Variants in ABCA9 observed in about 807,000 individuals in gnomAD.
The protein encoded by ABCA9 is ATP binding cassette subfamily A member 9.
Under a neutral mutation model 205.3 loss-of-function variants are expected in ABCA9, and 183 were observed. The ratio of observed to expected loss-of-function variants is 0.89; its 90% confidence interval spans 0.79 to 1.01. The LOEUF (loss-of-function observed/expected upper bound fraction) is 1.01, where lower values mean the gene tolerates loss of function less well. Ranked by LOEUF, ABCA9 falls within the 50% of genes least tolerant of loss-of-function variation. ABCA9 has a pLI of 0.00. For missense variants in ABCA9, 1,805 were observed against 1,912.4 expected (o/e 0.94, Z 1.05); for synonymous variants, 651 against 683.3 (o/e 0.95, Z 0.74).
At chr17:69,063,603 GTGTT>G (rs1400126466), upstream of ABCA9, among the ~76,000 whole-genome samples, 5 of 151,994 alleles carry the variant, frequency 3.3e-5, no homozygotes, top group East Asian at 3.9e-4. Flanking sequence ...GTTTTGTTTT[GTGTT>G]TGTTTTTTTT....
chr17:68,984,494 G>A (rs984585504), intron 34 of ABCA9, among the ~76,000 whole-genome samples: 6 of 152,100 alleles, frequency 3.9e-5, no homozygotes, highest in Non-Finnish European at 8.8e-5. Context: ...ACTCCCTATA[G>A]GTACAAGATG....
chr17:69,072,251 C>T, the ABCA9 span, among the ~76,000 whole-genome samples: 1 of 152,088 alleles, frequency 6.6e-6, no homozygotes, highest in Non-Finnish European at 1.5e-5. Context: ...GAGAACACCA[C>T]AAAGATACTC....
At chr17:69,068,069 A>G in the ABCA9 span, among the ~76,000 whole-genome samples, 1 of 152,198 alleles carries the variant, frequency 6.6e-6, no homozygotes, top group Non-Finnish European at 1.5e-5. Flanking sequence ...AAATTAATAT[A>G]TGTTAGATTT....
At chr17:69,018,679 A>C (rs1290332640) in intron 19 of ABCA9, 100 bp from the exon 20 acceptor site, 29 of 894,570 alleles carry the variant, frequency 3.2e-5, no homozygotes, top group Non-Finnish European at 4.5e-5. Flanking sequence ...AATAAATTAT[A>C]ATCAATAACC....
intron 22 of ABCA9, chr17:69,012,468 G>C (rs946478717): frequency 3.2e-5 from 5 of 158,676 alleles, no homozygotes; most frequent in African/African-American, 1.2e-4. Context: ...GTCAGTGGAG[G>C]GGCTAGGAGA....
chr17:69,048,754 TAAAG>T (rs1167573627), intron 3 of ABCA9, among the ~76,000 whole-genome samples: 1 of 152,226 alleles, frequency 6.6e-6, no homozygotes, highest in African/African-American at 2.4e-5. Context: ...TATGAACTCT[TAAAG>T]AAGTTTCTTC....
rs1030808023 is a variant in ABCA9 at position 69,008,160 on chromosome 17, C to T, written c.3223G>A (p.Val1075Ile). 2 of 1,613,736 alleles carry T rather than the reference C, an allele frequency of 1.2e-6. No homozygotes were observed. The highest frequency in any genetic ancestry group is 2.7e-5 in the African/African-American group (2 of 75,016). The change falls in exon 24 of 39, where the codon GTT becomes ATT. Residue 1075 changes from valine (V) to isoleucine (I), a missense_variant. Physicochemically the swap from Val to Ile is conservative, Grantham distance 29 (BLOSUM62 3). Coordinates refer to ENST00000340001, the MANE Select transcript of ABCA9 (RefSeq NM_080283.4). ...AYWFGQALVDVSLYFLILLLM... is the reference protein window; with the variant it reads ...AYWFGQALVDISLYFLILLLM... ...AGGAGGATCAAAAAGTACAGGGAAA[C>T]ATCCACCAGTGCTTGGCCAAACCAG...
At chr17:69,054,413 G>C (rs999998028) in intron 1 of ABCA9, among the ~76,000 whole-genome samples, 1 of 151,696 alleles carries the variant, frequency 6.6e-6, no homozygotes, top group African/African-American at 2.4e-5. Flanking sequence ...TGAGGCCCCA[G>C]CTACTAAGGA....
At chr17:69,036,723 G>T (rs1244508605) in intron 6 of ABCA9, among the ~76,000 whole-genome samples, 1 of 151,582 alleles carries the variant, frequency 6.6e-6, no homozygotes. Context: ...CCAATTAAAA[G>T]ACACAGATGC....
rs2069239555 is a variant in ABCA9, at chr17:68,986,330, CA to C, written c.4048-7del. ...CCGCTCCCTTTCAAAATCACCTATG[CA>C]AAATAAGTTCATTCTTAGATTCTAT... On this transcript the variant is annotated splice_polypyrimidine_tract_variant and splice_region_variant and intron_variant, in intron 31 of 38. Coordinates refer to ENST00000340001, the MANE Select transcript of ABCA9 (RefSeq NM_080283.4). The C allele has an allele frequency of 1.2e-6, 2 of 1,601,562 alleles. No homozygotes were observed. The highest frequency in any genetic ancestry group is 2.7e-5 in the African/African-American group (2 of 74,464).
chr17:69,070,060 C>T, the ABCA9 span, among the ~76,000 whole-genome samples: 2 of 152,008 alleles, frequency 1.3e-5, no homozygotes, highest in Non-Finnish European at 2.9e-5. Context: ...ATAAATTCAA[C>T]TATCATTGTA....
At chr17:69,043,231 T>C in intron 6 of ABCA9, 1 of 363,972 alleles carries the variant, frequency 2.7e-6, no homozygotes, top group African/African-American at 2.1e-5. Flanking sequence ...GCTTCTGTGA[T>C]ACTCTAATAA....
chr17:69,036,032 T>C (rs1384762511), intron 6 of ABCA9, among the ~76,000 whole-genome samples: 2 of 152,190 alleles, frequency 1.3e-5, no homozygotes, highest in Non-Finnish European at 2.9e-5. Context: ...TAAAGCTGGA[T>C]GATACAATGG....
At chr17:69,050,492 T>C (rs1318311033) in intron 2 of ABCA9, among the ~76,000 whole-genome samples, 2 of 152,156 alleles carry the variant, frequency 1.3e-5, no homozygotes, top group Non-Finnish European at 2.9e-5. Flanking sequence ...ATCATTCTTA[T>C]GATCAGAAGA....
At chr17:69,053,961 A>T (rs1165606484) in intron 1 of ABCA9, among the ~76,000 whole-genome samples, 1 of 152,208 alleles carries the variant, frequency 6.6e-6, no homozygotes, top group Non-Finnish European at 1.5e-5. Context: ...TTTTCTATAG[A>T]GGAGCAAAAA....
intron 25 of ABCA9, among the ~76,000 whole-genome samples, chr17:68,999,071 CTTA>C (rs1007183906): frequency 5.3e-4 from 80 of 151,922 alleles, no homozygotes; most frequent in African/African-American, 1.9e-3. Flanking sequence ...TGATAAAGTG[CTTA>C]TTATTTCTGA....
chr17:69,024,153 A>T, intron 17 of ABCA9, 61 bp downstream of exon 17: 1 of 1,560,242 alleles, frequency 6.4e-7, no homozygotes, highest in Non-Finnish European at 8.8e-7. Context: ...CATTCTTATC[A>T]CCACTGTTAT....
In ABCA9 at chr17:68,976,150, CTG is replaced by C; in HGVS notation, c.4759_4760del (p.Gln1587ValfsTer18). On this transcript the variant is annotated frameshift_variant, in exon 38 of 39. Coordinates refer to ENST00000340001, the MANE Select transcript of ABCA9 (RefSeq NM_080283.4). LOFTEE classifies it high-confidence loss of function. ...SFDLEEYSLS[Q>X]STLEQVFLEL... is the part of the protein sequence containing the mutation. ...AATGACCCACCTGCTCCAGGGTAGA[CTG>C]TGAGAGGCTGTACTCCTCCAGGTCG... is the stretch of plus-strand genomic sequence containing the variant. The C allele has an allele frequency of 1.9e-6, 3 of 1,614,046 alleles. No homozygotes were observed. The highest frequency in any genetic ancestry group is 1.1e-5 in the South Asian group (1 of 91,080).
chr17:68,979,723 C>T (rs1368486763), intron 37 of ABCA9, among the ~76,000 whole-genome samples: 1 of 152,158 alleles, frequency 6.6e-6, no homozygotes, highest in Admixed American at 6.5e-5. Flanking sequence ...GGAAAACTAG[C>T]TAGCCATATG....
Sources: allele counts gnomAD v4.1 joint callset (sites outside exome capture counted in the v4.1 genomes callset), GRCh38; gene constraint gnomAD v4.1.1; transcripts MANE v1.5; gene names NCBI Gene and HGNC (gene_info 2026-07-23, HGNC 2026-07-21).